The following PPFIBP1 variants were observed in gnomAD, a reference collection of about 807,000 sequenced individuals.
The protein encoded by PPFIBP1 is PPFIB scaffold protein 1.
A neutral mutation model predicts 137.8 loss-of-function variants in PPFIBP1; 112 were observed. The observed-to-expected ratio is 0.81, with a 90% CI of 0.70 to 0.95. The LOEUF (loss-of-function observed/expected upper bound fraction) is 0.95. PPFIBP1 is among the 40% of genes least tolerant of loss of function. The probability of loss-of-function intolerance (pLI) is 0.00; values close to 1 mark genes in which losing one functional copy is unlikely to be tolerated. For missense variants in PPFIBP1, 1,083 were observed against 1,196.6 expected (o/e 0.91, Z 1.40); for synonymous variants, 378 against 417.3 (o/e 0.91, Z 1.15).
intron 2 of PPFIBP1, chr12:27,593,831 A>G (rs2052839909): frequency 7.5e-7 from 1 of 1,326,648 alleles, no homozygotes; most frequent in East Asian, 2.5e-5. Flanking sequence ...TTGTCTCTTC[A>G]TGTGTTTCCT....
At chr12:27,589,551 T>C (rs2052217226) in intron 2 of PPFIBP1, among the ~76,000 whole-genome samples, 1 of 152,230 alleles carries the variant, frequency 6.6e-6, no homozygotes, top group Admixed American at 6.5e-5. Context: ...TCAGAGGGTA[T>C]GGAAAGCTTA....
chr12:27,595,292 A>G (rs114954380), intron 2 of PPFIBP1, among the ~76,000 whole-genome samples: 2,445 of 152,294 alleles, frequency 0.016, 61 homozygotes, highest in African/African-American at 0.056. Context: ...GCTCACACAC[A>G]CACATGCACG....
At chr12:27,591,742 G>T (rs974220217) in intron 2 of PPFIBP1, among the ~76,000 whole-genome samples, 4 of 152,166 alleles carry the variant, frequency 2.6e-5, no homozygotes, top group African/African-American at 9.7e-5. Context: ...ACTTAGAGTG[G>T]TTAAGAAGTG....
intron 1 of PPFIBP1, among the ~76,000 whole-genome samples, chr12:27,551,453 C>T (rs977064887): frequency 2.6e-5 from 4 of 152,148 alleles, no homozygotes; most frequent in Non-Finnish European, 5.9e-5. Flanking sequence ...CTTTCCACTT[C>T]CCAAGAGCAA....
At chr12:27,655,675 C>A (rs940928400) in intron 8 of PPFIBP1, among the ~76,000 whole-genome samples, 1 of 152,160 alleles carries the variant, frequency 6.6e-6, no homozygotes, top group Admixed American at 6.5e-5. Flanking sequence ...GTTCACACTT[C>A]CTGCCAGTGC....
Position 27,599,187 on chromosome 12 carries a change from T to A in PPFIBP1, c.-36+20948T>A, listed in dbSNP as rs191034849. On this transcript the variant is annotated intron_variant, in intron 2 of 29. Transcript: ENST00000228425. ...GTTCAACATTATTCTGGAGGTGTCC[T>A]TGAGGGTATTTCTGTATGGACTAGT... Among the ~76,000 whole-genome samples the A allele has an allele frequency of 1.2e-4, 19 of 152,348 alleles. No homozygotes were observed. In the South Asian group the frequency reaches 1.5e-3, roughly 12 times the overall value.
intron 1 of PPFIBP1, among the ~76,000 whole-genome samples, chr12:27,546,021 C>G (rs896896894): frequency 1.3e-5 from 2 of 152,186 alleles, no homozygotes; most frequent in Non-Finnish European, 2.9e-5. Context: ...AGAGAGCAAC[C>G]TTTGACGGTG....
chr12:27,648,986 TAAG>T (rs2139580717), intron 6 of PPFIBP1, among the ~76,000 whole-genome samples: 1 of 152,302 alleles, frequency 6.6e-6, no homozygotes, highest in African/African-American at 2.4e-5. Context: ...CATTTGGAAA[TAAG>T]AATATAACTG....
chr12:27,608,160 A>G (rs955232566), intron 2 of PPFIBP1, among the ~76,000 whole-genome samples: 2 of 152,236 alleles, frequency 1.3e-5, no homozygotes, highest in African/African-American at 4.8e-5. Context: ...TACATATGTC[A>G]TACCAATTCA....
chr12:27,635,587 T>C lies in PPFIBP1; in HGVS notation c.270+472T>C, dbSNP rs150791218. 753 of 174,254 alleles carry C rather than the reference T, an allele frequency of 4.3e-3. 6 individuals carry two copies. The highest frequency in any genetic ancestry group is 0.017 in the African/African-American group (711 of 42,142). 10.8% of individuals were successfully genotyped at this position (174,254 alleles called of 1,614,324 possible). On this transcript the variant is annotated intron_variant, in intron 4 of 29. Coordinates refer to ENST00000228425, the MANE Select transcript of PPFIBP1 (RefSeq NM_003622.4). ...AGTGGTTTATGGCAATCATTTCAGTTCCAGTTCCCGAATTAAATTGTGGAG... is the reference window on the plus strand; with the variant it reads ...AGTGGTTTATGGCAATCATTTCAGTCCCAGTTCCCGAATTAAATTGTGGAG...
In PPFIBP1 at chr12:27,676,593, A is replaced by C; in HGVS notation, c.1576A>C (p.Asn526His). The C allele has an allele frequency of 6.3e-7, 1 of 1,578,494 alleles. No individual in the cohort carries two copies. Among genetic ancestry groups the C allele is most frequent in the Non-Finnish European group, 8.6e-7 (1 of 1,160,436 alleles). ...KSNKRTASAPNLDRKRSASAP... is the reference protein window; with the variant it reads ...KSNKRTASAPHLDRKRSASAP... ...TAACAAGAGAACAGCAAGTGCACCA[A>C]ACTTAGGTACGTATGACCAAAATGC... is the stretch of plus-strand genomic sequence containing the variant. The change falls in exon 18 of 30, where the codon AAC becomes CAC. Residue 526 changes from asparagine to histidine, a missense_variant. Transcript: ENST00000228425.
Position 27,691,879 on chromosome 12 carries a change from G to C in PPFIBP1, c.2816G>C (p.Gly939Ala). The change falls in exon 28 of 30, where the codon GGT becomes GCT. Residue 939 changes from glycine (G) to alanine (A), a missense_variant. Transcript: ENST00000228425. ...GCATCTAAGAAAGGATTTAAACCTG[G>C]TTTGGATATGCGCCTGTATGAGGAA... is the stretch of plus-strand genomic sequence containing the variant. ...GSASKKGFKP[G>A]LDMRLYEEDD... is the part of the protein sequence containing the mutation. 2 of 1,614,026 alleles carry C rather than the reference G, an allele frequency of 1.2e-6. No homozygotes were observed. Among genetic ancestry groups the C allele is most frequent in the Non-Finnish European group, 1.7e-6 (2 of 1,179,958 alleles).
intron 2 of PPFIBP1, among the ~76,000 whole-genome samples, chr12:27,582,049 T>C (rs1359925003): frequency 2.0e-5 from 3 of 152,006 alleles, no homozygotes; most frequent in Admixed American, 6.6e-5. Context: ...GTCAAAGCCA[T>C]AGCAGTCTTT....
At chr12:27,543,940 T>A (rs946062699) in intron 1 of PPFIBP1, among the ~76,000 whole-genome samples, 8 of 140,960 alleles carry the variant, frequency 5.7e-5, no homozygotes, top group African/African-American at 2.1e-4. Context: ...GAGTGCAGTG[T>A]CGTGATCATA....
Position 27,576,414 on chromosome 12 carries a change from A to C in PPFIBP1, c.-123-1738A>C, listed in dbSNP as rs554239821. 9.2e-5 allele frequency among the ~76,000 whole-genome samples: 14 copies of C among 152,236 alleles called. No homozygotes were observed. In the South Asian group the frequency reaches 1.7e-3, roughly 18 times the overall value. ...TGTTCTCTGCTGGAGACCTTTGCTT[A>C]TCCATCTTGTGAACATCTGCAGCCT... On this transcript the variant is annotated intron_variant, in intron 1 of 29. Transcript: ENST00000228425.
intron 2 of PPFIBP1, among the ~76,000 whole-genome samples, chr12:27,587,703 A>C (rs2051953013): frequency 6.7e-6 from 1 of 149,538 alleles, no homozygotes; most frequent in Non-Finnish European, 1.5e-5. Flanking sequence ...TATACTACTT[A>C]TTTACTAGAG....
At chr12:27,662,779 A>G (rs1431428246) in intron 11 of PPFIBP1, among the ~76,000 whole-genome samples, 1 of 152,222 alleles carries the variant, frequency 6.6e-6, no homozygotes, top group East Asian at 1.9e-4. Context: ...GAAAGTTGGA[A>G]CATAAATCTA....
intron 1 of PPFIBP1, among the ~76,000 whole-genome samples, chr12:27,550,758 T>G (rs994794843): frequency 2.6e-5 from 4 of 152,130 alleles, no homozygotes; most frequent in Non-Finnish European, 4.4e-5. Context: ...ACCCCATACT[T>G]GGCTGATTTC....
chr12:27,541,855 C>A (rs1473978540), intron 1 of PPFIBP1, among the ~76,000 whole-genome samples: 4 of 152,108 alleles, frequency 2.6e-5, no homozygotes, highest in Admixed American at 2.6e-4. Flanking sequence ...CCAGGGCTGA[C>A]CTGCTCTACT....
Sources: allele counts gnomAD v4.1 joint callset (sites outside exome capture counted in the v4.1 genomes callset), GRCh38; gene constraint gnomAD v4.1.1; transcripts MANE v1.5; gene names NCBI Gene and HGNC (gene_info 2026-07-23, HGNC 2026-07-21).